HDX: variants seen among roughly 807,000 people sequenced by gnomAD.
HDX encodes chromosome X open reading frame 43.
Under a neutral mutation model 45.2 loss-of-function variants are expected in HDX, and 19 were observed. That is an observed-to-expected ratio of 0.42 (90% CI 0.29 to 0.62). The LOEUF is 0.62. Among genes scored for constraint, HDX ranks in the 20% least tolerant of loss-of-function variants. The pLI, the probability that HDX is intolerant of heterozygous loss-of-function variation, is 0.20. For synonymous variants in HDX, 188 were observed against 172.8 expected, an observed-to-expected ratio of 1.09 and a Z score of -0.69; for missense variants, 532 against 493.9, an observed-to-expected ratio of 1.08 and a Z score of -0.73.
chrX:84,381,623 T>C (rs937669273), intron 5 of HDX, among the ~76,000 whole-genome samples: 1 of 111,633 alleles, frequency 9.0e-6, no homozygotes, highest in Admixed American at 9.5e-5. Context: ...CTTCAATAAA[T>C]GGTGCTGGGA....
In HDX at chrX:84,373,651, CA is replaced by C. The variant is rs1172482603; in HGVS notation, c.1306-12040del. Among the ~76,000 whole-genome samples the C allele has an allele frequency of 2.7e-5, 3 of 110,967 alleles. No individual in the cohort carries two copies. The Admixed American group carries it at 2.9e-4, about 11-fold the overall frequency. ...TCCAGCATATAAACAGAACCAAAGA[CA>C]AAAACCACATGATTATCTCAATAGA... On this transcript the variant is annotated intron_variant, in intron 5 of 10. Coordinates refer to ENST00000373177, the MANE Select transcript of HDX (RefSeq NM_001177479.2).
At chrX:84,369,911 T>C (rs538893738) in intron 5 of HDX, among the ~76,000 whole-genome samples, 3 of 112,278 alleles carry the variant, frequency 2.7e-5, no homozygotes, top group Middle Eastern at 4.6e-3. Flanking sequence ...CTTTCTGAAA[T>C]GTATCTTTGT....
intron 4 of HDX, among the ~76,000 whole-genome samples, chrX:84,462,571 T>C (rs1010671013): frequency 9.0e-6 from 1 of 111,208 alleles, no homozygotes; most frequent in African/African-American, 3.3e-5. Context: ...AAAATACCAA[T>C]GTGGCAAATA....
chrX:84,435,833 C>A (rs2148047336), intron 5 of HDX, among the ~76,000 whole-genome samples: 1 of 98,887 alleles, frequency 1.0e-5, no homozygotes, highest in South Asian at 5.2e-4. Context: ...GTTGGTGGGA[C>A]TGTAAACTAG....
chrX:84,358,761 T>C, intron 6 of HDX, among the ~76,000 whole-genome samples: 1 of 112,151 alleles, frequency 8.9e-6, no homozygotes, highest in Middle Eastern at 4.6e-3. Context: ...GGAGTCTCAT[T>C]AGGTTGTCCT....
intron 5 of HDX, among the ~76,000 whole-genome samples, chrX:84,393,249 T>C (rs2038484102): frequency 9.0e-6 from 1 of 111,423 alleles, no homozygotes; most frequent in Middle Eastern, 4.6e-3. Flanking sequence ...GTTTATCAAA[T>C]TCATTTTCTG....
chrX:84,412,871 T>C (rs2039019784), intron 5 of HDX, among the ~76,000 whole-genome samples: 1 of 112,145 alleles, frequency 8.9e-6, no homozygotes, highest in Admixed American at 9.5e-5. Context: ...TCTGTATATT[T>C]TATTTGCGAT....
intron 4 of HDX, among the ~76,000 whole-genome samples, chrX:84,454,271 T>C (rs1054785434): frequency 1.8e-5 from 2 of 111,671 alleles, no homozygotes; most frequent in African/African-American, 3.3e-5. Context: ...AAGCAGGTTC[T>C]TGGGGTCCCC....
rs142167000 is a variant in HDX, at chrX:84,350,419, C to T, written c.1453-5962G>A. Reference sequence around the variant, plus strand: ...AACTGTAGCAGCTGTTGAGAGAAGGCTGATGAAATCTCCAAATATAATTTT... The same window carrying T: ...AACTGTAGCAGCTGTTGAGAGAAGGTTGATGAAATCTCCAAATATAATTTT... On this transcript the variant is annotated intron_variant, in intron 6 of 10. Coordinates refer to ENST00000373177, the MANE Select transcript of HDX (RefSeq NM_001177479.2). Among the ~76,000 whole-genome samples the T allele has an allele frequency of 1.7e-3, 191 of 111,197 alleles. 1 individual carries two copies. Among genetic ancestry groups the T allele is most frequent in the Middle Eastern group, 9.2e-3 (2 of 217 alleles).
chrX:84,482,013 C>T (rs745553553), intron 2 of HDX, among the ~76,000 whole-genome samples: 20 of 111,622 alleles, frequency 1.8e-4, no homozygotes, highest in Non-Finnish European at 3.6e-4. Flanking sequence ...TAATGGCCTC[C>T]AGCTGCATCC....
intron 7 of HDX, among the ~76,000 whole-genome samples, chrX:84,340,273 C>A (rs1213700207): frequency 9.0e-6 from 1 of 110,961 alleles, no homozygotes; most frequent in African/African-American, 3.3e-5. Flanking sequence ...TTAAAAAAAT[C>A]TTAATTTTTG....
chrX:84,408,255 C>T (rs769482490), intron 5 of HDX, among the ~76,000 whole-genome samples: 2 of 111,211 alleles, frequency 1.8e-5, no homozygotes, highest in African/African-American at 6.5e-5. Context: ...CAGTGTTCCA[C>T]ATATGGCTAA....
intron 2 of HDX, among the ~76,000 whole-genome samples, chrX:84,484,435 A>G (rs2040748882): frequency 9.0e-6 from 1 of 111,503 alleles, no homozygotes; most frequent in African/African-American, 3.3e-5. Context: ...TGAAGAGGGA[A>G]GCTCCTTAGA....
intron 5 of HDX, among the ~76,000 whole-genome samples, chrX:84,375,557 T>C (rs1390107809): frequency 8.9e-6 from 1 of 112,157 alleles, no homozygotes; most frequent in African/African-American, 3.2e-5. Flanking sequence ...TGGAATACTA[T>C]GCAGCCATGA....
intron 7 of HDX, among the ~76,000 whole-genome samples, chrX:84,337,258 G>T (rs936178053): frequency 9.0e-6 from 1 of 110,671 alleles, no homozygotes; most frequent in Non-Finnish European, 1.9e-5. Context: ...AAAAATGAAG[G>T]TAACAAAATC....
chrX:84,448,618 A>G (rs2039925912), intron 4 of HDX, among the ~76,000 whole-genome samples: 1 of 110,598 alleles, frequency 9.0e-6, no homozygotes, highest in Non-Finnish European at 1.9e-5. Context: ...CTACACAACA[A>G]ACACCATAGA....
Position 84,319,142 on chromosome X carries a change from T to G in HDX, c.*2747A>C. 9.0e-6 allele frequency: 1 copy of G among 110,882 alleles called. No individual in the cohort carries two copies. The highest frequency in any genetic ancestry group is 3.7e-4 in the South Asian group (1 of 2,673). 9.1% of individuals were successfully genotyped at this position (110,882 alleles called of 1,213,427 possible). On this transcript the variant is annotated 3_prime_UTR_variant, in exon 11 of 11. Transcript: ENST00000373177. ...AAGAAAAAAAGAAGTTTTTTCTTGT[T>G]GTTGTTTTTTGTTTTTTGTTTTTTT...
At chrX:84,356,705 C>T (rs757901067) in intron 6 of HDX, among the ~76,000 whole-genome samples, 2 of 98,897 alleles carry the variant, frequency 2.0e-5, no homozygotes, top group South Asian at 9.6e-4. Flanking sequence ...TCACTGCAAG[C>T]TCCGCCTCCC....
intron 1 of HDX, among the ~76,000 whole-genome samples, chrX:84,494,984 A>G (rs1181905211): frequency 6.3e-5 from 7 of 111,801 alleles, no homozygotes; most frequent in Non-Finnish European, 1.1e-4. Context: ...AATGTGGCAT[A>G]TATACAAAAT....
Sources: allele counts gnomAD v4.1 joint callset (sites outside exome capture counted in the v4.1 genomes callset), GRCh38; gene constraint gnomAD v4.1.1; transcripts MANE v1.5; gene names NCBI Gene and HGNC (gene_info 2026-07-23, HGNC 2026-07-21).